Variants in AACS observed in about 807,000 individuals in gnomAD.
AACS encodes the protein acetoacetyl-CoA synthetase.
AACS carries 69 observed loss-of-function variants against 83.1 expected under a neutral mutation model. The ratio of observed to expected loss-of-function variants is 0.83; its 90% confidence interval spans 0.68 to 1.01. AACS has a LOEUF of 1.01. Ranked by LOEUF, AACS falls within the 50% of genes least tolerant of loss-of-function variation. The pLI, the probability that AACS is intolerant of heterozygous loss-of-function variation, is 0.00. For synonymous variants in AACS, 333 were observed against 343.4 expected, an observed-to-expected ratio of 0.97 and a Z score of 0.33; for missense variants, 866 against 882.2, an observed-to-expected ratio of 0.98 and a Z score of 0.23.
chr12:125,107,807 A>G (rs902379008), intron 8 of AACS, among the ~76,000 whole-genome samples: 13 of 152,290 alleles, frequency 8.5e-5, no homozygotes, highest in Admixed American at 2.6e-4. Context: ...ACTAAAAAAT[A>G]CAAAAATTAA....
At chr12:125,131,734 G>C (rs1289682182) in intron 14 of AACS, among the ~76,000 whole-genome samples, 2 of 152,108 alleles carry the variant, frequency 1.3e-5, no homozygotes, top group African/African-American at 4.8e-5. Context: ...GAGTAGCTGG[G>C]ATTACAGGCG....
Position 125,142,305 on chromosome 12 carries a change from A to G in AACS, c.*76A>G, listed in dbSNP as rs1267127011. 14 of 1,569,402 alleles carry G rather than the reference A, an allele frequency of 8.9e-6. No homozygotes were observed. Among genetic ancestry groups the G allele is most frequent in the East Asian group, 4.5e-5 (2 of 44,070 alleles). On this transcript the variant is annotated 3_prime_UTR_variant, in exon 18 of 18. Transcript: ENST00000316519. ...TTGTGTGCTCAAGAAATTATACAGA[A>G]ACCTACAGCTGTTGTAAAAGGATGC...
chr12:125,090,199 TTTAC>T (rs1313240630), intron 4 of AACS, among the ~76,000 whole-genome samples: 3 of 1,212 alleles, frequency 2.5e-3, no homozygotes, highest in African/African-American at 0.01. Flanking sequence ...CATCTACCCA[TTTAC>T]CCATTATCCA....
At chr12:125,127,341 G>A (rs188870846) in intron 12 of AACS, 2 of 152,344 alleles carry the variant, frequency 1.3e-5, no homozygotes, top group South Asian at 4.1e-4. Flanking sequence ...GGACACATCA[G>A]TCAGTGACAT....
Position 125,065,481 on chromosome 12 carries a change from C to T in AACS, c.-104C>T. 8.1e-7 allele frequency: 1 copy of T among 1,234,868 alleles called. No homozygotes were observed. The highest frequency in any genetic ancestry group is 1.0e-6 in the Non-Finnish European group (1 of 952,876). 76.5% of individuals were successfully genotyped at this position (1,234,868 alleles called of 1,614,324 possible). A position where few individuals can be genotyped will look rare whatever the true frequency, so the allele number is the denominator to read the frequency against. On this transcript the variant is annotated 5_prime_UTR_variant, in exon 1 of 18. Coordinates refer to ENST00000316519, the MANE Select transcript of AACS (RefSeq NM_023928.5). ...GCCGTCGCTGACCCAGCCCGCCAGGCGCTCCTGACCGTCGCTTCCTCCGGT... is the reference window on the plus strand; with the variant it reads ...GCCGTCGCTGACCCAGCCCGCCAGGTGCTCCTGACCGTCGCTTCCTCCGGT...
intron 9 of AACS, 42 bp from the exon 10 acceptor site, chr12:125,118,599 T>C: frequency 6.2e-7 from 1 of 1,609,718 alleles, no homozygotes; most frequent in Non-Finnish European, 8.5e-7. Flanking sequence ...TGGGGGGAGC[T>C]GCCTAGCGCC....
chr12:125,090,011 C>T (rs1956430213), intron 4 of AACS, among the ~76,000 whole-genome samples: 1 of 151,788 alleles, frequency 6.6e-6, no homozygotes, highest in Admixed American at 6.6e-5. Context: ...AACTATCCAT[C>T]CATCCATCTG....
chr12:125,108,228 C>T (rs1956875294), intron 8 of AACS, among the ~76,000 whole-genome samples: 1 of 152,170 alleles, frequency 6.6e-6, no homozygotes, highest in African/African-American at 2.4e-5. Flanking sequence ...TTAGGGCTGC[C>T]ATAACGAAAC....
At chr12:125,066,651 GT>G (rs1322869164) in intron 1 of AACS, among the ~76,000 whole-genome samples, 1 of 151,976 alleles carries the variant, frequency 6.6e-6, no homozygotes, top group African/African-American at 2.4e-5. Context: ...GTTTCTCCAT[GT>G]TGGTCAGGCT....
chr12:125,068,843 CTTT>C (rs11333763), intron 1 of AACS, among the ~76,000 whole-genome samples: 10 of 138,774 alleles, frequency 7.2e-5, no homozygotes, highest in Non-Finnish European at 3.1e-5. Flanking sequence ...TGTGAGCATT[CTTT>C]TTTTTTTTTT....
At chr12:125,106,983 C>T in intron 7 of AACS, 138 bp from the exon 8 acceptor site, 1 of 1,283,586 alleles carries the variant, frequency 7.8e-7, no homozygotes. Context: ...CAGGAAGTTT[C>T]CAAATCTGGC....
intron 3 of AACS, among the ~76,000 whole-genome samples, chr12:125,085,111 G>T (rs574547373): frequency 2.6e-5 from 4 of 152,338 alleles, no homozygotes; most frequent in African/African-American, 7.2e-5. Context: ...GACTATAAAG[G>T]GGCAACAGGA....
chr12:125,070,997 C>T (rs1594565826), intron 1 of AACS, among the ~76,000 whole-genome samples: 2 of 152,306 alleles, frequency 1.3e-5, no homozygotes, highest in South Asian at 4.2e-4. Context: ...AAGAATAAAC[C>T]TTTATCACCT....
In AACS at chr12:125,129,128, T is replaced by G; in HGVS notation, c.1424-207T>G. 21 of 543,954 alleles carry G rather than the reference T, an allele frequency of 3.9e-5. No individual in the cohort carries two copies. The highest frequency in any genetic ancestry group is 8.1e-5 in the East Asian group (2 of 24,716). 33.7% of individuals were successfully genotyped at this position (543,954 alleles called of 1,614,324 possible). The stretch of plus-strand genomic sequence containing the variant: ...CAAATCACTACGTCCGAGACAGCGA[T>G]TTTGGGGAGCACACAGGGAGGGGAC... On this transcript the variant is annotated intron_variant, in intron 13 of 17. Transcript: ENST00000316519. This position sits in a 1 kb window ranked among gnomAD's most constrained non-coding sequence, Gnocchi z 4.3.
intron 13 of AACS, chr12:125,128,511 G>A (rs1456562928): frequency 2.8e-6 from 1 of 356,920 alleles, no homozygotes; most frequent in East Asian, 4.6e-5. Flanking sequence ...AGAGATGTGT[G>A]CTCGGGAACA....
intron 7 of AACS, among the ~76,000 whole-genome samples, chr12:125,104,468 A>G (rs1316388426): frequency 6.6e-6 from 1 of 152,290 alleles, no homozygotes; most frequent in East Asian, 1.9e-4. Flanking sequence ...GGTGAGACCC[A>G]CCTGCAGGGA....
chr12:125,090,554 C>T (rs1667226428), intron 4 of AACS, among the ~76,000 whole-genome samples: 1 of 151,572 alleles, frequency 6.6e-6, no homozygotes, highest in Admixed American at 6.6e-5. Context: ...ATCCATTCAT[C>T]CATCCATCTT....
At chr12:125,069,736 G>A (rs919939786) in intron 1 of AACS, among the ~76,000 whole-genome samples, 1 of 152,240 alleles carries the variant, frequency 6.6e-6, no homozygotes, top group African/African-American at 2.4e-5. Context: ...ACCACAAGCT[G>A]CACGTCGGCT....
At position 125,102,672 on chromosome 12, in the gene AACS, C is replaced by T. The variant is rs375184232; in HGVS notation, c.571-7C>T. ...GATCAATGATGACTTTTTCCTCCTG[C>T]TTTCAGGGTGTGCTGGACCGGTTTT... On this transcript the variant is annotated splice_polypyrimidine_tract_variant and splice_region_variant and intron_variant, in intron 5 of 17. Coordinates refer to ENST00000316519, the MANE Select transcript of AACS (RefSeq NM_023928.5). The T allele has an allele frequency of 9.3e-6, 15 of 1,613,274 alleles. No homozygotes were observed. In the African/African-American group the frequency reaches 2.0e-4, roughly 22 times the overall value.
Sources: allele counts gnomAD v4.1 joint callset (sites outside exome capture counted in the v4.1 genomes callset), GRCh38; gene constraint gnomAD v4.1.1; non-coding constraint Gnocchi (gnomAD v3.1); transcripts MANE v1.5; gene names NCBI Gene and HGNC (gene_info 2026-07-23, HGNC 2026-07-21).